Variants in DMD observed in about 807,000 individuals in gnomAD.
DMD encodes dystrophin.
A neutral mutation model predicts 330.1 loss-of-function variants in DMD; 63 were observed. The ratio of observed to expected loss-of-function variants is 0.19; its 90% CI spans 0.16 to 0.24. The LOEUF (loss-of-function observed/expected upper bound fraction) is 0.24, where lower values mean the gene tolerates loss of function less well. DMD is among the 10% of genes least tolerant of loss of function. The pLI is 1.00. For missense variants in DMD, 3,344 were observed against 2,684.1 expected (o/e 1.25, Z -5.43); for synonymous variants, 1,223 against 959.8 (o/e 1.27, Z -5.07).
chrX:32,064,043 A>T (rs1352325630), intron 44 of DMD, among the ~76,000 whole-genome samples: 1 of 111,379 alleles, frequency 9.0e-6, no homozygotes, highest in South Asian at 3.7e-4. Context: ...AGTGGAGGTT[A>T]AAAGTTTTGA....
intron 1 of DMD, among the ~76,000 whole-genome samples, chrX:33,057,878 G>GT (rs1400495022): frequency 9.0e-6 from 1 of 110,639 alleles, no homozygotes; most frequent in African/African-American, 3.3e-5. Flanking sequence ...TTTTTTGTTT[G>GT]TTTTTTGTTT....
intron 11 of DMD, among the ~76,000 whole-genome samples, chrX:32,627,615 T>C (rs1042168222): frequency 1.8e-5 from 2 of 110,973 alleles, no homozygotes; most frequent in East Asian, 5.7e-4. Context: ...GGAACTCAGG[T>C]AGTTTGGCTC....
At chrX:32,315,799 A>G (rs1233357266) in intron 41 of DMD, among the ~76,000 whole-genome samples, 2 of 111,631 alleles carry the variant, frequency 1.8e-5, no homozygotes, top group African/African-American at 6.5e-5. Flanking sequence ...AACCATTTTC[A>G]CCTATCTTTC....
chrX:31,330,395 G>T (rs551370707), intron 61 of DMD, among the ~76,000 whole-genome samples: 6 of 111,781 alleles, frequency 5.4e-5, no homozygotes, highest in African/African-American at 1.9e-4. Flanking sequence ...TCTTGAGCCT[G>T]ACAGACTAAG....
chrX:31,669,446 C>T (rs905983769), intron 53 of DMD, among the ~76,000 whole-genome samples: 1 of 111,640 alleles, frequency 9.0e-6, no homozygotes, highest in African/African-American at 3.3e-5. Flanking sequence ...CCATTTTAAT[C>T]AGATTATTTG....
At chrX:31,294,475 A>G (rs1010433718) in intron 62 of DMD, among the ~76,000 whole-genome samples, 7 of 112,413 alleles carry the variant, frequency 6.2e-5, no homozygotes, top group Admixed American at 2.8e-4. Flanking sequence ...CTGGTTTTCT[A>G]GACCAGTTTA....
intron 7 of DMD, among the ~76,000 whole-genome samples, chrX:32,766,755 AAG>A (rs1210095605): frequency 1.8e-4 from 20 of 111,630 alleles, no homozygotes; most frequent in African/African-American, 6.5e-4. Flanking sequence ...CGAAGCTGCT[AAG>A]AGAGTACACT....
intron 1 of DMD, among the ~76,000 whole-genome samples, chrX:33,324,794 A>G (rs2054067027): frequency 8.9e-6 from 1 of 111,922 alleles, no homozygotes; most frequent in Non-Finnish European, 1.9e-5. Flanking sequence ...ACATGGCACT[A>G]TTGCCTCAAA....
chrX:32,745,755 T>A (rs998182138), intron 7 of DMD, among the ~76,000 whole-genome samples: 2 of 112,501 alleles, frequency 1.8e-5, no homozygotes, highest in Admixed American at 9.5e-5. Context: ...CTTATAGTAA[T>A]GAATCATGGT....
chrX:32,751,245 T>C (rs1428274912), intron 7 of DMD, among the ~76,000 whole-genome samples: 1 of 111,019 alleles, frequency 9.0e-6, no homozygotes, highest in Non-Finnish European at 1.9e-5. Context: ...GTGGGAAAGT[T>C]TGGGACTTCC....
chrX:33,038,196 T>C (rs767953590), intron 1 of DMD, among the ~76,000 whole-genome samples: 3 of 112,230 alleles, frequency 2.7e-5, no homozygotes, highest in Non-Finnish European at 5.6e-5. Flanking sequence ...TATAAATACA[T>C]GCATGAAATT....
At chrX:32,842,204 T>A (rs911384041) in intron 4 of DMD, among the ~76,000 whole-genome samples, 1 of 112,032 alleles carries the variant, frequency 8.9e-6, no homozygotes, top group Admixed American at 9.5e-5. Flanking sequence ...CTGTTGACAA[T>A]CAGCGAAACG....
At chrX:32,823,567 C>T (rs781214389) in intron 4 of DMD, among the ~76,000 whole-genome samples, 180 bp from the exon 5 acceptor site, 3 of 111,828 alleles carry the variant, frequency 2.7e-5, no homozygotes, top group African/African-American at 9.7e-5. Flanking sequence ...CTTTCCATAA[C>T]AAACAAGCAC....
intron 1 of DMD, among the ~76,000 whole-genome samples, chrX:33,035,378 T>C (rs1423633097): frequency 9.0e-6 from 1 of 111,212 alleles, no homozygotes; most frequent in Admixed American, 9.6e-5. Context: ...GAATAAATAA[T>C]GGGTTTTCTT....
chrX:33,268,837 G>C (rs1281393422), intron 1 of DMD, among the ~76,000 whole-genome samples: 2 of 100,461 alleles, frequency 2.0e-5, no homozygotes, highest in African/African-American at 7.5e-5. Context: ...TGCAGCATGA[G>C]AATCATTTGA....
intron 60 of DMD, among the ~76,000 whole-genome samples, chrX:31,380,896 T>C (rs1472539867): frequency 9.0e-6 from 1 of 110,574 alleles, no homozygotes; most frequent in Non-Finnish European, 1.9e-5. Context: ...ATTACTTCAG[T>C]CAAGCCCAAA....
intron 44 of DMD, among the ~76,000 whole-genome samples, chrX:32,053,631 A>C (rs929205748): frequency 1.1e-4 from 12 of 110,716 alleles, no homozygotes; most frequent in Non-Finnish European, 2.3e-4. Context: ...TATGCCCTTG[A>C]CTTTTGTCAC....
intron 1 of DMD, among the ~76,000 whole-genome samples, chrX:33,237,963 G>A (rs1054378258): frequency 8.9e-6 from 1 of 112,120 alleles, no homozygotes; most frequent in Non-Finnish European, 1.9e-5. Flanking sequence ...TGCCAAAAGG[G>A]ATTCATAGCT....
At chrX:32,869,003 G>A (rs1260486289) in intron 2 of DMD, among the ~76,000 whole-genome samples, 1 of 111,443 alleles carries the variant, frequency 9.0e-6, no homozygotes, top group Non-Finnish European at 1.9e-5. Flanking sequence ...GGTTCCTGCT[G>A]GCATCTGGTC....
Sources: gnomAD v4.1 joint callset for allele counts (sites outside exome capture counted in the v4.1 genomes callset) on GRCh38, gnomAD v4.1.1 for gene constraint, MANE v1.5 for transcripts, NCBI Gene and HGNC (gene_info 2026-07-23, HGNC 2026-07-21) for gene names.